GLG1: variants seen among roughly 807,000 people sequenced by gnomAD.
GLG1 encodes golgi glycoprotein 1.
GLG1 carries 38 observed loss-of-function variants against 160.5 expected under a neutral mutation model. The ratio of observed to expected loss-of-function variants is 0.24; its 90% confidence interval spans 0.18 to 0.31. The LOEUF is 0.31. GLG1 is among the 10% of genes least tolerant of loss of function. GLG1 has a pLI of 1.00. For synonymous variants in GLG1, 644 were observed against 543.4 expected, an observed-to-expected ratio of 1.19 and a Z score of -2.57; for missense variants, 1,373 against 1,505.2, an observed-to-expected ratio of 0.91 and a Z score of 1.45.
At chr16:74,527,009 T>C (rs1057470672) in intron 2 of GLG1, among the ~76,000 whole-genome samples, 3 of 152,128 alleles carry the variant, frequency 2.0e-5, no homozygotes, top group Non-Finnish European at 4.4e-5. Context: ...GATGGCTAAA[T>C]ACCATTAACT....
chr16:74,534,451 C>T (rs543865239), intron 1 of GLG1, among the ~76,000 whole-genome samples: 4 of 152,372 alleles, frequency 2.6e-5, no homozygotes, highest in South Asian at 2.1e-4. Context: ...TCTACTTATA[C>T]TCATTTCTAC....
intron 1 of GLG1, among the ~76,000 whole-genome samples, chr16:74,599,990 C>T (rs1040335176): frequency 3.3e-5 from 5 of 151,866 alleles, no homozygotes; most frequent in East Asian, 1.9e-4. Context: ...GGTGAGATCG[C>T]GCCACTGCAC....
At chr16:74,531,283 T>C (rs2017523462) in intron 2 of GLG1, among the ~76,000 whole-genome samples, 1 of 152,112 alleles carries the variant, frequency 6.6e-6, no homozygotes, top group Non-Finnish European at 1.5e-5. Flanking sequence ...CACATATAGA[T>C]GCCTCTTCTA....
intron 8 of GLG1, among the ~76,000 whole-genome samples, chr16:74,488,382 A>G (rs2015866899): frequency 6.6e-6 from 1 of 152,128 alleles, no homozygotes; most frequent in African/African-American, 2.4e-5. Flanking sequence ...TCACTTAAAA[A>G]ACAAAACAAC....
In GLG1 at chr16:74,545,721, C is replaced by G. The variant is rs191817962; in HGVS notation, c.439-13568G>C. ...AGCTCAACTTTATATTTAAGTTCAACTGCTCAGATGCAGACATCTTTTAAC... is the reference window on the plus strand; with the variant it reads ...AGCTCAACTTTATATTTAAGTTCAAGTGCTCAGATGCAGACATCTTTTAAC... On this transcript the variant is annotated intron_variant, in intron 1 of 25. Transcript: ENST00000422840. Among the ~76,000 whole-genome samples, 5 of 152,334 alleles carry G rather than the reference C, an allele frequency of 3.3e-5. No homozygotes were observed. In the East Asian group the frequency reaches 9.6e-4, roughly 29 times the overall value.
Position 74,452,312 on chromosome 16 carries a change from TGGAGGA to T in GLG1, c.*849_*854del. The T allele has an allele frequency of 7.1e-7, 1 of 1,407,854 alleles. No individual in the cohort carries two copies. The highest frequency in any genetic ancestry group is 9.2e-7 in the Non-Finnish European group (1 of 1,081,424). 87.2% of individuals were successfully genotyped at this position (1,407,854 alleles called of 1,614,324 possible). A position where few individuals can be genotyped will look rare whatever the true frequency, so the allele number is the denominator to read the frequency against. On this transcript the variant is annotated 3_prime_UTR_variant, in exon 26 of 26. Transcript: ENST00000422840. ...GACATGGCTGAGTCCTGTGCTGCCC[TGGAGGA>T]GGAAGGTTCCTGGGATCCTGCTGCC...
chr16:74,529,809 G>GTTTTTTTTTTTTTTTTTTTTTTTTT lies in GLG1; in HGVS notation c.471+2311_471+2312insAAAAAAAAAAAAAAAAAAAAAAAAA, dbSNP rs201693911. On this transcript the variant is annotated intron_variant, in intron 2 of 25. Coordinates refer to ENST00000422840, the MANE Select transcript of GLG1 (RefSeq NM_001145667.2). Reference sequence around the variant, plus strand: ...CTTCCTATTCCTTGGCTCTTTGAGAGTTCTTTTTTTTTTTTTTTTTTTTTT... The same window carrying GTTTTTTTTTTTTTTTTTTTTTTTTT: ...CTTCCTATTCCTTGGCTCTTTGAGAGTTTTTTTTTTTTTTTTTTTTTTTTTTTCTTTTTTTTTTTTTTTTTTTTTT... Among the ~76,000 whole-genome samples, 10 of 104,104 alleles carry GTTTTTTTTTTTTTTTTTTTTTTTTT rather than the reference G, an allele frequency of 9.6e-5. 3 individuals are homozygous for GTTTTTTTTTTTTTTTTTTTTTTTTT. The highest frequency in any genetic ancestry group is 1.1e-4 in the African/African-American group (3 of 27,080). The allele number at this position is 104,104 out of a possible 152,430, so 68.3% of individuals were successfully genotyped here. A position where few individuals can be genotyped will look rare whatever the true frequency, so the allele number is the denominator to read the frequency against.
chr16:74,470,151 T>A (rs572359716), intron 15 of GLG1, 78 bp from the exon 16 acceptor site: 1 of 832,844 alleles, frequency 1.2e-6, no homozygotes, highest in East Asian at 2.4e-5. Context: ...CTTTTTCATA[T>A]AGCTCTCACA....
At chr16:74,464,164 G>T (rs372978246) in intron 19 of GLG1, among the ~76,000 whole-genome samples, 39 of 152,216 alleles carry the variant, frequency 2.6e-4, no homozygotes, top group African/African-American at 9.4e-4. Context: ...TCTTACACAG[G>T]ATTGGTTCCC....
intron 4 of GLG1, among the ~76,000 whole-genome samples, chr16:74,497,326 A>G (rs1370620196): frequency 1.3e-5 from 2 of 148,978 alleles, no homozygotes; most frequent in African/African-American, 4.9e-5. Context: ...AAAAAACCAC[A>G]TCGGCTCAAA....
chr16:74,552,862 T>C (rs1456639074), intron 1 of GLG1: 1 of 152,446 alleles, frequency 6.6e-6, no homozygotes, highest in Non-Finnish European at 1.5e-5. Context: ...TTCCCTAGTT[T>C]TGGAAACAAT....
At chr16:74,459,644 A>AT in intron 23 of GLG1, 38 bp downstream of exon 23, 2 of 1,070,462 alleles carry the variant, frequency 1.9e-6, no homozygotes, top group Non-Finnish European at 2.8e-6. Context: ...AAAAAAAAAA[A>AT]AGAAATGAAG....
chr16:74,578,143 CA>C (rs1957857096), intron 1 of GLG1, among the ~76,000 whole-genome samples: 1 of 152,138 alleles, frequency 6.6e-6, no homozygotes, highest in Non-Finnish European at 1.5e-5. Flanking sequence ...ACCTAAGTTG[CA>C]ATACATTTGA....
intron 1 of GLG1, among the ~76,000 whole-genome samples, chr16:74,554,969 T>C (rs1567520822): frequency 6.6e-6 from 1 of 152,124 alleles, no homozygotes; most frequent in Non-Finnish European, 1.5e-5. Flanking sequence ...TGAGCTATAA[T>C]CTCACCACTG....
chr16:74,496,773 T>C (rs1009128125), intron 4 of GLG1, 129 bp from the exon 5 acceptor site: 18 of 651,658 alleles, frequency 2.8e-5, no homozygotes, highest in African/African-American at 5.6e-5. Context: ...CATCATAGAG[T>C]TGACTTATTA....
Position 74,448,639 on chromosome 16 carries a change from C to T in GLG1, c.*4528G>A, listed in dbSNP as rs1259541743. On this transcript the variant is annotated 3_prime_UTR_variant, in exon 26 of 26. Coordinates refer to ENST00000422840, the MANE Select transcript of GLG1 (RefSeq NM_001145667.2). ...TGGTGGTGCATGCCCGTAATCCCAA[C>T]TACTTGGGAGGCTGAGGCAGGAGAA... 3 of 151,298 alleles carry T rather than the reference C, an allele frequency of 2.0e-5. No homozygotes were observed. Among genetic ancestry groups the T allele is most frequent in the African/African-American group, 4.9e-5 (2 of 41,130 alleles). The allele number at this position is 151,298 out of a possible 1,614,324, so 9.4% of individuals were successfully genotyped here. A position where few individuals can be genotyped will look rare whatever the true frequency, so the allele number is the denominator to read the frequency against.
At chr16:74,516,258 T>C (rs2016975017) in intron 2 of GLG1, among the ~76,000 whole-genome samples, 1 of 151,732 alleles carries the variant, frequency 6.6e-6, no homozygotes, top group African/African-American at 2.4e-5. Flanking sequence ...ATACATTCTT[T>C]TCAGCACCAC....
intron 1 of GLG1, among the ~76,000 whole-genome samples, chr16:74,554,720 G>C (rs2018305407): frequency 6.6e-6 from 1 of 152,142 alleles, no homozygotes; most frequent in Admixed American, 6.5e-5. Context: ...TTACATTTTG[G>C]TGGATATATC....
rs2014155159 is a variant in GLG1, at chr16:74,448,510, G to A, written c.*4657C>T. ...TAAATATACCAAAATGCACATAATT[G>A]AGGCCAAGGTGGGTGGACCACATGT... On this transcript the variant is annotated 3_prime_UTR_variant, in exon 26 of 26. Coordinates refer to ENST00000422840, the MANE Select transcript of GLG1 (RefSeq NM_001145667.2). The A allele has an allele frequency of 1.3e-5, 2 of 152,170 alleles. No individual in the cohort carries two copies. Among genetic ancestry groups the A allele is most frequent in the Admixed American group, 6.5e-5 (1 of 15,272 alleles). The allele number at this position is 152,170 out of a possible 1,614,324, so 9.4% of individuals were successfully genotyped here. A position where few individuals can be genotyped will look rare whatever the true frequency, so the allele number is the denominator to read the frequency against.
Sources: gnomAD v4.1 joint callset for allele counts (sites outside exome capture counted in the v4.1 genomes callset) on GRCh38, gnomAD v4.1.1 for gene constraint, MANE v1.5 for transcripts, NCBI Gene and HGNC (gene_info 2026-07-23, HGNC 2026-07-21) for gene names.